RNF130: variants seen among roughly 807,000 people sequenced by gnomAD.
RNF130 encodes ring finger protein 130.
A neutral mutation model predicts 44.6 loss-of-function variants in RNF130; 21 were observed. The ratio of observed to expected loss-of-function variants is 0.47; its 90% CI spans 0.33 to 0.68. The LOEUF is 0.68. Ranked by LOEUF, RNF130 falls within the 30% of genes least tolerant of loss-of-function variation. RNF130 has a pLI of 0.02. For synonymous variants in RNF130, 214 were observed against 210.4 expected (o/e 1.02, Z -0.15); for missense variants, 479 against 560.6 (o/e 0.85, Z 1.47).
chr5:179,942,370 G>A (rs1761978563), intron 7 of RNF130, among the ~76,000 whole-genome samples: 1 of 152,004 alleles, frequency 6.6e-6, no homozygotes, highest in Non-Finnish European at 1.5e-5. Flanking sequence ...GAGGCAGACA[G>A]ATCTGTATGC....
chr5:179,993,369 A>T (rs1763134298), intron 3 of RNF130, among the ~76,000 whole-genome samples: 1 of 152,192 alleles, frequency 6.6e-6, no homozygotes, highest in Admixed American at 6.5e-5. Flanking sequence ...ATTTCTCCAC[A>T]TCCTCTCCAG....
chr5:180,027,600 G>T (rs1483292728), intron 2 of RNF130, among the ~76,000 whole-genome samples: 2 of 152,138 alleles, frequency 1.3e-5, no homozygotes, highest in Admixed American at 6.5e-5. Context: ...GACTGAAACA[G>T]GACCTTTCTA....
At chr5:179,959,812 G>A (rs1003433232) in intron 8 of RNF130, among the ~76,000 whole-genome samples, 8 of 152,100 alleles carry the variant, frequency 5.3e-5, no homozygotes, top group South Asian at 4.1e-4. Context: ...CCTGATCTCC[G>A]GTCATGCCAC....
At chr5:179,937,057 A>G (rs778996643) in intron 7 of RNF130, among the ~76,000 whole-genome samples, 3 of 152,230 alleles carry the variant, frequency 2.0e-5, no homozygotes, top group African/African-American at 4.8e-5. Context: ...TTTGACACCT[A>G]AAGCATAAGC....
intron 7 of RNF130, among the ~76,000 whole-genome samples, chr5:179,941,920 T>C: frequency 6.6e-6 from 1 of 152,194 alleles, no homozygotes; most frequent in East Asian, 1.9e-4. Context: ...AATAGAGAAG[T>C]ACATTCTGCA....
intron 1 of RNF130, among the ~76,000 whole-genome samples, chr5:180,056,046 C>T (rs553744374): frequency 7.3e-5 from 11 of 151,688 alleles, no homozygotes; most frequent in African/African-American, 9.7e-5. Context: ...ATGGTGTCAC[C>T]GTACTCTGGC....
chr5:179,958,396 A>C (rs1216437723), intron 8 of RNF130, among the ~76,000 whole-genome samples: 2 of 152,190 alleles, frequency 1.3e-5, no homozygotes, highest in Non-Finnish European at 2.9e-5. Context: ...TTACAGTAGG[A>C]AGATGGTTTT....
intron 5 of RNF130, among the ~76,000 whole-genome samples, chr5:179,971,833 A>G (rs1762593985): frequency 6.6e-6 from 1 of 152,254 alleles, no homozygotes; most frequent in Non-Finnish European, 1.5e-5. Context: ...GGGATCTGGA[A>G]CAAACATTCA....
intron 3 of RNF130, among the ~76,000 whole-genome samples, chr5:179,993,939 C>T (rs2113038596): frequency 6.6e-6 from 1 of 152,352 alleles, no homozygotes; most frequent in Middle Eastern, 3.4e-3. Flanking sequence ...CAGCTTTCTA[C>T]ATATGGCTAG....
intron 3 of RNF130, among the ~76,000 whole-genome samples, chr5:180,007,994 T>TG (rs1382895723): frequency 1.3e-5 from 2 of 150,672 alleles, no homozygotes; most frequent in Non-Finnish European, 3.0e-5. Flanking sequence ...TTTAGTTTTT[T>TG]TTTTTTTTTT....
intron 1 of RNF130, among the ~76,000 whole-genome samples, chr5:180,059,575 T>C (rs982625725): frequency 6.6e-6 from 1 of 152,186 alleles, no homozygotes; most frequent in African/African-American, 2.4e-5. Flanking sequence ...ATTAGTCTGC[T>C]GATAACATGC....
intron 8 of RNF130, among the ~76,000 whole-genome samples, chr5:179,958,485 C>A (rs1178524432): frequency 2.0e-5 from 3 of 152,152 alleles, no homozygotes; most frequent in African/African-American, 4.8e-5. Flanking sequence ...CAGCTCTCCT[C>A]GGCCTCTGAT....
At chr5:179,917,190 CAA>C (rs34951897) in exon 8 of RNF130, 4 of 141,170 alleles carry the variant, frequency 2.8e-5, no homozygotes, top group Non-Finnish European at 4.7e-5. Context: ...GACTCCGTCT[CAA>C]AAAAAAAAAA....
intron 8 of RNF130, among the ~76,000 whole-genome samples, chr5:179,960,333 G>C (rs1010909362): frequency 2.0e-5 from 3 of 152,178 alleles, no homozygotes; most frequent in African/African-American, 7.2e-5. Context: ...TCTGTTTGCA[G>C]TGTTAAAAAA....
intron 7 of RNF130, among the ~76,000 whole-genome samples, chr5:179,926,218 A>G (rs1291198672): frequency 6.6e-6 from 1 of 152,214 alleles, no homozygotes; most frequent in Admixed American, 6.5e-5. Flanking sequence ...GCAAGAGGTC[A>G]GCTTTATTTA....
At chr5:179,960,876 G>A (rs867446663) in intron 8 of RNF130, among the ~76,000 whole-genome samples, 2 of 151,886 alleles carry the variant, frequency 1.3e-5, no homozygotes, top group African/African-American at 2.4e-5. Flanking sequence ...TTGGTTGTAA[G>A]TTTATTGGTA....
chr5:180,066,356 A>G (rs939913695), intron 1 of RNF130, among the ~76,000 whole-genome samples: 1 of 152,212 alleles, frequency 6.6e-6, no homozygotes, highest in Non-Finnish European at 1.5e-5. Flanking sequence ...AGGCCTCCTC[A>G]GCCATGTGAA....
At chr5:180,030,281 G>A (rs1278882061) in intron 2 of RNF130, among the ~76,000 whole-genome samples, 1 of 152,108 alleles carries the variant, frequency 6.6e-6, no homozygotes, top group South Asian at 2.1e-4. Flanking sequence ...AATACTTGAG[G>A]ACATACAACT....
At chr5:179,923,071 A>AT (rs1161792929) in intron 7 of RNF130, among the ~76,000 whole-genome samples, 3 of 152,058 alleles carry the variant, frequency 2.0e-5, no homozygotes, top group Non-Finnish European at 2.9e-5. Flanking sequence ...AAATTTATTG[A>AT]TTTTTTCCTA....
Sources: gnomAD v4.1 joint callset for allele counts (sites outside exome capture counted in the v4.1 genomes callset) on GRCh38, gnomAD v4.1.1 for gene constraint, MANE v1.5 for transcripts, NCBI Gene and HGNC (gene_info 2026-07-23, HGNC 2026-07-21) for gene names.